The following CNTN5 variants were observed in gnomAD, a reference collection of about 807,000 sequenced individuals.
The protein encoded by CNTN5 is contactin 5, also known as contactin-5.
A neutral mutation model predicts 129.1 loss-of-function variants in CNTN5; 77 were observed. The observed-to-expected ratio is 0.60, with a 90% confidence interval of 0.50 to 0.72. The LOEUF is 0.72. CNTN5 is among the 30% of genes least tolerant of loss of function. The pLI, the probability that CNTN5 is intolerant of heterozygous loss-of-function variation, is 0.00. For synonymous variants in CNTN5, 509 were observed against 465.6 expected (o/e 1.09, Z -1.20); for missense variants, 1,478 against 1,328.8 (o/e 1.11, Z -1.75).
At chr11:99,703,227 G>GT (rs34131042) in intron 3 of CNTN5, among the ~76,000 whole-genome samples, 12,995 of 121,626 alleles carry the variant, frequency 0.11, 791 homozygotes, top group South Asian at 0.28. Flanking sequence ...GGTATTTGGG[G>GT]TTTTTTTTTT....
intron 13 of CNTN5, among the ~76,000 whole-genome samples, chr11:100,159,295 C>T (rs1042364903): frequency 1.3e-5 from 2 of 151,828 alleles, no homozygotes; most frequent in Non-Finnish European, 2.9e-5. Context: ...GTTCTAGCTC[C>T]TCACCTTCAT....
intron 13 of CNTN5, among the ~76,000 whole-genome samples, chr11:100,179,337 C>T (rs189813137): frequency 2.0e-5 from 3 of 152,072 alleles, no homozygotes; most frequent in African/African-American, 7.2e-5. Flanking sequence ...AGATATTGGG[C>T]CAGTTTAGGA....
intron 2 of CNTN5, among the ~76,000 whole-genome samples, chr11:99,515,235 C>G (rs1424222598): frequency 6.6e-6 from 1 of 151,794 alleles, no homozygotes; most frequent in Non-Finnish European, 1.5e-5. Flanking sequence ...TGGTGTCAGA[C>G]AAAGCAAAAA....
At chr11:99,155,640 C>T (rs77703146) in intron 1 of CNTN5, among the ~76,000 whole-genome samples, 1,788 of 152,018 alleles carry the variant, frequency 0.012, 23 homozygotes, top group Non-Finnish European at 0.02. Context: ...TGTTGCTAGG[C>T]TGGCATCATT....
At chr11:99,622,868 T>C (rs1310240374) in intron 3 of CNTN5, among the ~76,000 whole-genome samples, 2 of 151,816 alleles carry the variant, frequency 1.3e-5, no homozygotes, top group Non-Finnish European at 2.9e-5. Context: ...ACCTGCATGC[T>C]CTTTTTCAAA....
intron 3 of CNTN5, among the ~76,000 whole-genome samples, chr11:99,814,495 C>T (rs1277667820): frequency 2.6e-5 from 4 of 152,132 alleles, no homozygotes; most frequent in Non-Finnish European, 4.4e-5. Flanking sequence ...ACATTGAGTT[C>T]TTTCAGCATG....
chr11:99,037,576 C>CTTTTTTTTTTTTTTTT (rs1161467398), intron 1 of CNTN5, among the ~76,000 whole-genome samples: 20 of 105,606 alleles, frequency 1.9e-4, no homozygotes, highest in African/African-American at 2.8e-4. Flanking sequence ...TTTTTCTTTT[C>CTTTTTTTTTTTTTTTT]TTTTTTTTTT....
intron 8 of CNTN5, among the ~76,000 whole-genome samples, chr11:99,981,466 T>C (rs1012666581): frequency 3.9e-5 from 6 of 152,146 alleles, no homozygotes; most frequent in Non-Finnish European, 7.4e-5. Flanking sequence ...AATTGAATGG[T>C]GCCTGCCTAC....
chr11:99,972,055 C>A (rs564559460), intron 8 of CNTN5, among the ~76,000 whole-genome samples: 242 of 138,894 alleles, frequency 1.7e-3, no homozygotes, highest in African/African-American at 5.7e-3. Flanking sequence ...TGAGACCATC[C>A]TGGCTAACAC....
chr11:99,111,705 A>G (rs1857804049), intron 1 of CNTN5, among the ~76,000 whole-genome samples: 1 of 152,022 alleles, frequency 6.6e-6, no homozygotes, highest in Non-Finnish European at 1.5e-5. Flanking sequence ...TAAAATTCAC[A>G]TGGAAATAAA....
At chr11:99,810,148 G>C (rs1188937943) in intron 3 of CNTN5, among the ~76,000 whole-genome samples, 2 of 151,876 alleles carry the variant, frequency 1.3e-5, no homozygotes, top group African/African-American at 4.8e-5. Context: ...CTCCTTTTTG[G>C]CAATAAAAGT....
At chr11:99,308,516 G>A (rs1316579610) in intron 1 of CNTN5, among the ~76,000 whole-genome samples, 1 of 152,032 alleles carries the variant, frequency 6.6e-6, no homozygotes, top group Non-Finnish European at 1.5e-5. Flanking sequence ...TGAGGCTAGG[G>A]ATACTATAAA....
intron 2 of CNTN5, among the ~76,000 whole-genome samples, chr11:99,409,568 A>C (rs1942295428): frequency 6.6e-6 from 1 of 152,266 alleles, no homozygotes; most frequent in Non-Finnish European, 1.5e-5. Context: ...AAACAGATAA[A>C]AATAAATCAT....
intron 9 of CNTN5, among the ~76,000 whole-genome samples, chr11:100,032,334 C>T (rs1437739841): frequency 1.3e-4 from 19 of 151,860 alleles, no homozygotes; most frequent in Admixed American, 1.2e-3. Flanking sequence ...TAGTTTATTT[C>T]ACTATGGAAT....
intron 1 of CNTN5, among the ~76,000 whole-genome samples, chr11:99,036,060 G>A (rs548970379): frequency 4.6e-5 from 7 of 152,114 alleles, no homozygotes; most frequent in Admixed American, 3.3e-4. Flanking sequence ...GAAATTCTGG[G>A]TTGAAAATTC....
chr11:99,305,975 C>A (rs553733120), intron 1 of CNTN5, among the ~76,000 whole-genome samples: 2 of 149,894 alleles, frequency 1.3e-5, no homozygotes, highest in East Asian at 2.0e-4. Context: ...AGTGAAACTC[C>A]GCCTCAAAAA....
At chr11:100,333,413 A>AC in intron 21 of CNTN5, among the ~76,000 whole-genome samples, 1 of 145,462 alleles carries the variant, frequency 6.9e-6, no homozygotes, top group Non-Finnish European at 1.5e-5. Context: ...AATTAGAAAA[A>AC]AAAAAAAAAA....
intron 3 of CNTN5, among the ~76,000 whole-genome samples, chr11:99,721,258 C>CA (rs1943161667): frequency 1.3e-5 from 2 of 152,064 alleles, no homozygotes; most frequent in African/African-American, 4.8e-5. Flanking sequence ...CTACAGTAAT[C>CA]AAAACAACAT....
chr11:100,334,712 T>C (rs1337424670), intron 21 of CNTN5, among the ~76,000 whole-genome samples: 1 of 152,156 alleles, frequency 6.6e-6, no homozygotes, highest in Non-Finnish European at 1.5e-5. Context: ...TTCTCACTCA[T>C]ATACGAACTA....
Sources: gnomAD v4.1 joint callset for allele counts (sites outside exome capture counted in the v4.1 genomes callset) on GRCh38, gnomAD v4.1.1 for gene constraint, MANE v1.5 for transcripts, NCBI Gene and HGNC (gene_info 2026-07-23, HGNC 2026-07-21) for gene names.